GRM8: variants seen among roughly 807,000 people sequenced by gnomAD.
The protein encoded by GRM8 is metabotropic glutamate receptor 8.
Under a neutral mutation model 87.2 loss-of-function variants are expected in GRM8, and 47 were observed. The observed-to-expected ratio is 0.54, with a 90% CI of 0.43 to 0.69. The LOEUF is 0.69. Among genes scored for constraint, GRM8 ranks in the 30% least tolerant of loss-of-function variants. The probability of loss-of-function intolerance (pLI) is 0.00; values close to 1 mark genes in which losing one functional copy is unlikely to be tolerated. For synonymous variants in GRM8, 396 were observed against 404.5 expected, an observed-to-expected ratio of 0.98 and a Z score of 0.25; for missense variants, 1,019 against 1,139.2, an observed-to-expected ratio of 0.89 and a Z score of 1.52.
chr7:126,908,949 C>T (rs1802990186), intron 3 of GRM8, among the ~76,000 whole-genome samples: 1 of 152,170 alleles, frequency 6.6e-6, no homozygotes, highest in Non-Finnish European at 1.5e-5. Flanking sequence ...AGTTAGAAGA[C>T]TGGGATTATT....
chr7:126,465,883 T>C (rs1804438433), intron 9 of GRM8, among the ~76,000 whole-genome samples: 1 of 151,960 alleles, frequency 6.6e-6, no homozygotes, highest in Non-Finnish European at 1.5e-5. Context: ...TAGGCATCTT[T>C]GCTTTTTTCC....
intron 2 of GRM8, among the ~76,000 whole-genome samples, chr7:127,217,681 C>T (rs1380260697): frequency 6.6e-6 from 1 of 152,182 alleles, no homozygotes; most frequent in Non-Finnish European, 1.5e-5. Context: ...TCCATCTCTG[C>T]AGGTCTGTTA....
At chr7:126,973,834 T>A (rs1383323501) in intron 3 of GRM8, among the ~76,000 whole-genome samples, 2 of 152,306 alleles carry the variant, frequency 1.3e-5, no homozygotes, top group Non-Finnish European at 2.9e-5. Context: ...CTCTCTTATA[T>A]GTGGAGTCTA....
chr7:126,589,615 T>A (rs1280169649), intron 8 of GRM8, among the ~76,000 whole-genome samples: 2 of 152,138 alleles, frequency 1.3e-5, no homozygotes, highest in African/African-American at 4.8e-5. Context: ...TTCCCTATAC[T>A]ACCACGGCTC....
chr7:126,579,229 G>C (rs1371438785), intron 8 of GRM8, among the ~76,000 whole-genome samples: 1 of 152,116 alleles, frequency 6.6e-6, no homozygotes, highest in Non-Finnish European at 1.5e-5. Context: ...TTCTCTAACA[G>C]GAAAAAAGGA....
chr7:126,463,182 C>T (rs140564883), intron 9 of GRM8, among the ~76,000 whole-genome samples: 5 of 151,658 alleles, frequency 3.3e-5, no homozygotes, highest in Admixed American at 3.3e-4. Context: ...TCAGGGGATG[C>T]AAAGCTATAG....
Position 126,534,516 on chromosome 7 carries a change from T to C in GRM8, c.1495-629A>G, listed in dbSNP as rs573204351. Among the ~76,000 whole-genome samples, 38 of 152,314 alleles carry C rather than the reference T, an allele frequency of 2.5e-4. No homozygotes were observed. In the South Asian group the frequency reaches 7.9e-3, roughly 32 times the overall value. On this transcript the variant is annotated intron_variant, in intron 8 of 10. Transcript: ENST00000339582. ...GTGCAAAACACCATGCTGAATGAGA[T>C]AACTTGATGGTAATGTTTTTTTTAC...
Position 126,769,848 on chromosome 7 carries a change from C to T in GRM8, c.1357+17G>A, listed in dbSNP as rs1259612045. 4 of 1,523,164 alleles carry T rather than the reference C, an allele frequency of 2.6e-6. No homozygotes were observed. The highest frequency in any genetic ancestry group is 1.7e-4 in the Middle Eastern group (1 of 5,886). The allele number at this position is 1,523,164 out of a possible 1,614,324, so 94.4% of individuals were successfully genotyped here. ...GTCGCTTTTAATGTATTTAGACACACACACGTTGTAACTTACCATTAAAAT... is the reference window on the plus strand; with the variant it reads ...GTCGCTTTTAATGTATTTAGACACATACACGTTGTAACTTACCATTAAAAT... On this transcript the variant is annotated intron_variant, in intron 7 of 10. Coordinates refer to ENST00000339582, the MANE Select transcript of GRM8 (RefSeq NM_000845.3).
intron 6 of GRM8, among the ~76,000 whole-genome samples, chr7:126,891,636 T>G (rs1801018779): frequency 6.6e-6 from 1 of 152,016 alleles, no homozygotes; most frequent in Admixed American, 6.6e-5. Context: ...ACTGATAATC[T>G]CTTTTTCTTA....
intron 1 of GRM8, among the ~76,000 whole-genome samples, chr7:127,251,640 G>A (rs1798874406): frequency 1.3e-5 from 2 of 151,570 alleles, no homozygotes; most frequent in Admixed American, 1.3e-4. Flanking sequence ...GCGCCCCGGG[G>A]CATTCCGGCG....
chr7:127,113,860 A>T (rs879451496), intron 2 of GRM8, among the ~76,000 whole-genome samples: 1 of 152,216 alleles, frequency 6.6e-6, no homozygotes, highest in African/African-American at 2.4e-5. Context: ...GTGGCAAAAC[A>T]TCAGTATATA....
At chr7:126,640,295 T>C (rs1429411227) in intron 7 of GRM8, among the ~76,000 whole-genome samples, 2 of 152,186 alleles carry the variant, frequency 1.3e-5, no homozygotes, top group Non-Finnish European at 2.9e-5. Flanking sequence ...ATGATTGTCA[T>C]TGGATACCAT....
intron 9 of GRM8, among the ~76,000 whole-genome samples, chr7:126,519,151 C>T (rs922936720): frequency 6.6e-6 from 1 of 151,998 alleles, no homozygotes; most frequent in Non-Finnish European, 1.5e-5. Context: ...GGGAAGAATG[C>T]ACAAGAATTA....
chr7:127,163,300 G>A (rs1192590337), intron 2 of GRM8, among the ~76,000 whole-genome samples: 1 of 152,152 alleles, frequency 6.6e-6, no homozygotes, highest in Non-Finnish European at 1.5e-5. Flanking sequence ...TCAGTGCAAA[G>A]GACTTGCCAG....
rs1406510490 is a variant in GRM8, at chr7:126,807,883, G to T, written c.1157-37818C>A. Among the ~76,000 whole-genome samples the T allele has an allele frequency of 2.6e-5, 4 of 152,148 alleles. No individual in the cohort carries two copies. In the East Asian group the frequency reaches 7.8e-4, roughly 30 times the overall value. Reference sequence around the variant, plus strand: ...GAGTGCCTACAACCCATAGATACTTGACCTATGACAACTTAAATGTATGTT... The same window carrying T: ...GAGTGCCTACAACCCATAGATACTTTACCTATGACAACTTAAATGTATGTT... On this transcript the variant is annotated intron_variant, in intron 6 of 10. Coordinates refer to ENST00000339582, the MANE Select transcript of GRM8 (RefSeq NM_000845.3).
chr7:126,756,925 G>A (rs190539442), intron 7 of GRM8, among the ~76,000 whole-genome samples: 17 of 152,118 alleles, frequency 1.1e-4, no homozygotes, highest in Admixed American at 7.9e-4. Flanking sequence ...AAACCAAGAC[G>A]AGAAGGTTCA....
At chr7:126,767,035 T>C (rs1818270969) in intron 7 of GRM8, among the ~76,000 whole-genome samples, 1 of 152,180 alleles carries the variant, frequency 6.6e-6, no homozygotes, top group African/African-American at 2.4e-5. Context: ...CCGAGACCAG[T>C]AAGCAGGACT....
intron 8 of GRM8, among the ~76,000 whole-genome samples, chr7:126,587,095 A>G (rs1162656319): frequency 6.6e-6 from 1 of 152,250 alleles, no homozygotes; most frequent in African/African-American, 2.4e-5. Flanking sequence ...ATCACTGGTC[A>G]TCAGAGAAAT....
chr7:126,966,470 T>G (rs1019663939), intron 3 of GRM8, among the ~76,000 whole-genome samples: 2 of 152,036 alleles, frequency 1.3e-5, no homozygotes, highest in Non-Finnish European at 2.9e-5. Context: ...TTATTTCACC[T>G]TAAAAGGAAA....
Sources: allele counts gnomAD v4.1 joint callset (sites outside exome capture counted in the v4.1 genomes callset), GRCh38; gene constraint gnomAD v4.1.1; transcripts MANE v1.5; gene names NCBI Gene and HGNC (gene_info 2026-07-23, HGNC 2026-07-21).